The following DYNAP variants were observed in gnomAD, a reference collection of about 807,000 sequenced individuals.
DYNAP encodes the protein dynactin-associated protein.
A neutral mutation model predicts 8.5 loss-of-function variants in DYNAP; 7 were observed. The observed-to-expected ratio is 0.82, with a 90% CI of 0.47 to 1.54. DYNAP has a LOEUF of 1.54. DYNAP is among the 40% of genes most tolerant of loss of function. DYNAP has a pLI of 0.01. For synonymous variants in DYNAP, 77 were observed against 77.9 expected, an observed-to-expected ratio of 0.99 and a Z score of 0.06; for missense variants, 256 against 224.3, an observed-to-expected ratio of 1.14 and a Z score of -0.90.
intron 2 of DYNAP, among the ~76,000 whole-genome samples, chr18:54,597,519 A>G (rs767894931): frequency 2.0e-5 from 3 of 152,188 alleles, no homozygotes; most frequent in Admixed American, 2.0e-4. Context: ...TTTCCTGCTT[A>G]GTTTTGCTGT....
upstream of DYNAP, among the ~76,000 whole-genome samples, chr18:54,589,105 A>G (rs1163014651): frequency 6.6e-6 from 1 of 152,206 alleles, no homozygotes; most frequent in East Asian, 1.9e-4. Context: ...AATTTCAGGT[A>G]AGAAAATTTT....
chr18:54,595,877 T>C (rs577912205), intron 2 of DYNAP, among the ~76,000 whole-genome samples: 1 of 152,132 alleles, frequency 6.6e-6, no homozygotes, highest in Non-Finnish European at 1.5e-5. Context: ...CTCTGAGGCT[T>C]GTTTCTTGAT....
chr18:54,597,791 A>G (rs373577271), intron 2 of DYNAP, 22 bp from the exon 3 acceptor site: 107 of 1,570,902 alleles, frequency 6.8e-5, no homozygotes, highest in Non-Finnish European at 8.6e-5. Flanking sequence ...TTCATTGCTG[A>G]TATTTTTATA....
At chr18:54,581,558 C>T in the DYNAP span, among the ~76,000 whole-genome samples, 2,905 of 152,302 alleles carry the variant, frequency 0.019, 35 homozygotes, top group Non-Finnish European at 0.03. Flanking sequence ...CCAACGAAAG[C>T]ATTCTGACAT....
At chr18:54,581,355 T>C in the DYNAP span, among the ~76,000 whole-genome samples, 1 of 152,228 alleles carries the variant, frequency 6.6e-6, no homozygotes, top group African/African-American at 2.4e-5. Context: ...ATCACTAAAA[T>C]AATTAACATG....
In DYNAP at chr18:54,598,335, A is replaced by G. The variant is rs1911403963; in HGVS notation, c.*190A>G. On this transcript the variant is annotated 3_prime_UTR_variant, in exon 3 of 3. Coordinates refer to ENST00000648945, the MANE Select transcript of DYNAP (RefSeq NM_173629.3). ...TCAACTTAAACTTACTTGACAACTC[A>G]AATAATCACCACTTCGACCATCTCT... The G allele has an allele frequency of 1.0e-5, 6 of 584,972 alleles. No individual in the cohort carries two copies. The highest frequency in any genetic ancestry group is 3.0e-4 in the Middle Eastern group (1 of 3,330). The allele number at this position is 584,972 out of a possible 1,614,324, so 36.2% of individuals were successfully genotyped here.
the DYNAP span, among the ~76,000 whole-genome samples, chr18:54,577,061 A>T: frequency 3.9e-5 from 6 of 152,186 alleles, no homozygotes; most frequent in African/African-American, 1.4e-4. Flanking sequence ...AACTCCTACA[A>T]ATGCCTTAAT....
intron 2 of DYNAP, among the ~76,000 whole-genome samples, chr18:54,595,529 A>G (rs2144890750): frequency 6.6e-6 from 1 of 152,090 alleles, no homozygotes; most frequent in Non-Finnish European, 1.5e-5. Context: ...TTATTTTCTT[A>G]CTCTGTGCAG....
chr18:54,582,111 C>A, the DYNAP span, among the ~76,000 whole-genome samples: 1 of 152,064 alleles, frequency 6.6e-6, no homozygotes, highest in Non-Finnish European at 1.5e-5. Context: ...ACAGTGAAAC[C>A]CCGTCTCTAC....
At chr18:54,580,522 A>G in the DYNAP span, among the ~76,000 whole-genome samples, 17 of 152,256 alleles carry the variant, frequency 1.1e-4, no homozygotes, top group African/African-American at 3.1e-4. Flanking sequence ...CAGCTGAGAC[A>G]GCACAACCTC....
the DYNAP span, among the ~76,000 whole-genome samples, chr18:54,581,153 T>C: frequency 2.0e-5 from 3 of 152,226 alleles, no homozygotes; most frequent in African/African-American, 7.2e-5. Flanking sequence ...TTTGTTTCCT[T>C]ATGTGTAAAA....
chr18:54,576,523 G>GAT, the DYNAP span, among the ~76,000 whole-genome samples: 1 of 152,050 alleles, frequency 6.6e-6, no homozygotes, highest in Non-Finnish European at 1.5e-5. Context: ...AACTAACCCA[G>GAT]CACAGTGGCT....
At chr18:54,578,788 T>C in the DYNAP span, among the ~76,000 whole-genome samples, 1 of 152,030 alleles carries the variant, frequency 6.6e-6, no homozygotes, top group Admixed American at 6.6e-5. Context: ...TTTTATTTTA[T>C]TTTTTATTTT....
chr18:54,584,256 T>G (rs535924773), upstream of DYNAP, among the ~76,000 whole-genome samples: 45 of 147,578 alleles, frequency 3.0e-4, 1 homozygote, highest in South Asian at 9.4e-3. Context: ...TTAAAACAAA[T>G]ATTTATTTAA....
chr18:54,597,912 T>C lies in DYNAP; in HGVS notation c.322T>C (p.Cys108Arg), dbSNP rs760694667. 3 of 1,613,676 alleles carry C rather than the reference T, an allele frequency of 1.9e-6. No homozygotes were observed. Among genetic ancestry groups the C allele is most frequent in the Non-Finnish European group, 8.5e-7 (1 of 1,179,764 alleles). The change falls in exon 3 of 3, where the codon TGC (cysteine) becomes CGC (arginine). Residue 108 changes from cysteine to arginine, a missense_variant. Cys to Arg is a radical substitution (Grantham distance 180). Transcript: ENST00000648945. ...GACAGCAATTGGAGTACTTATAATA[T>C]GCTTGGTGAATAACAAAGGATCGGC... ...IMTAIGVLII[C>R]LVNNKGSANS...
upstream of DYNAP, among the ~76,000 whole-genome samples, chr18:54,587,386 T>TAA (rs1910916314): frequency 6.6e-6 from 1 of 151,896 alleles, no homozygotes; most frequent in Admixed American, 6.6e-5. Context: ...GTCCTGGCTA[T>TAA]AAAAAAAATG....
At chr18:54,591,403 AG>A in intron 1 of DYNAP, 64 bp downstream of exon 1, 1 of 1,536,934 alleles carries the variant, frequency 6.5e-7, no homozygotes, top group Non-Finnish European at 8.8e-7. Context: ...AGCATTTAAA[AG>A]CAGTTTAATC....
At chr18:54,577,427 A>C in the DYNAP span, among the ~76,000 whole-genome samples, 8 of 152,032 alleles carry the variant, frequency 5.3e-5, no homozygotes, top group African/African-American at 1.9e-4. Context: ...TCTCTAAAAA[A>C]AAAATTAGCA....
At chr18:54,588,206 A>ATTT (rs11364471), upstream of DYNAP, among the ~76,000 whole-genome samples, 2 of 138,842 alleles carry the variant, frequency 1.4e-5, no homozygotes, top group Admixed American at 7.2e-5. Context: ...GTTGGGAATA[A>ATTT]TTTTTTTTTT....
Sources: gnomAD v4.1 joint callset for allele counts (sites outside exome capture counted in the v4.1 genomes callset) on GRCh38, gnomAD v4.1.1 for gene constraint, MANE v1.5 for transcripts, NCBI Gene and HGNC (gene_info 2026-07-23, HGNC 2026-07-21) for gene names.